The following MYO1D variants were observed in gnomAD, a reference collection of about 807,000 sequenced individuals.
MYO1D encodes the protein myosin ID, also known as unconventional myosin-Id.
Under a neutral mutation model 122.0 loss-of-function variants are expected in MYO1D, and 83 were observed. The observed-to-expected ratio is 0.68, with a 90% CI of 0.57 to 0.82. The LOEUF (loss-of-function observed/expected upper bound fraction) is 0.82, where lower values mean the gene tolerates loss of function less well. Ranked by LOEUF, MYO1D falls within the 40% of genes least tolerant of loss-of-function variation. The probability of loss-of-function intolerance (pLI) is 0.00; values close to 1 mark genes in which losing one functional copy is unlikely to be tolerated. For synonymous variants in MYO1D, 464 were observed against 446.9 expected (o/e 1.04, Z -0.48); for missense variants, 1,157 against 1,269.5 (o/e 0.91, Z 1.35).
intron 16 of MYO1D, among the ~76,000 whole-genome samples, chr17:32,701,060 A>T (rs955381424): frequency 9.2e-5 from 14 of 152,134 alleles, no homozygotes; most frequent in Non-Finnish European, 2.1e-4. Context: ...AAAAGATAAT[A>T]AGCATAAATG....
chr17:32,518,736 G>A (rs1909988281), intron 21 of MYO1D: 1 of 152,230 alleles, frequency 6.6e-6, no homozygotes, highest in Non-Finnish European at 1.5e-5. Flanking sequence ...GACAAAGAGG[G>A]TTCTGGGTTA....
intron 1 of MYO1D, among the ~76,000 whole-genome samples, chr17:32,800,479 T>C (rs2151042740): frequency 6.6e-6 from 1 of 152,076 alleles, no homozygotes; most frequent in South Asian, 2.1e-4. Context: ...CACACTTACA[T>C]GTGGAATCTA....
chr17:32,721,947 A>G (rs1433281438), intron 14 of MYO1D, among the ~76,000 whole-genome samples: 1 of 152,224 alleles, frequency 6.6e-6, no homozygotes, highest in Non-Finnish European at 1.5e-5. Flanking sequence ...AGTGTAAAGA[A>G]TTTCTTTTTC....
At chr17:32,737,908 C>T (rs556996343) in intron 14 of MYO1D, among the ~76,000 whole-genome samples, 38 of 152,312 alleles carry the variant, frequency 2.5e-4, no homozygotes, top group African/African-American at 8.4e-4. Flanking sequence ...CAAGACTTTA[C>T]TTATTTATTT....
rs558616632 is a variant in MYO1D at position 32,761,560 on chromosome 17, T to C, written c.1036-933A>G. Among the ~76,000 whole-genome samples the C allele has an allele frequency of 2.6e-5, 4 of 152,342 alleles. No individual in the cohort carries two copies. In the South Asian group the frequency reaches 8.3e-4, roughly 32 times the overall value. Reference sequence around the variant, plus strand: ...GGTAGAGTCTCCTCTTCTACCTGACTTGTAAAAGTTGGAGTTCTTCCTGGT... The same window carrying C: ...GGTAGAGTCTCCTCTTCTACCTGACCTGTAAAAGTTGGAGTTCTTCCTGGT... On this transcript the variant is annotated intron_variant, in intron 8 of 21. Transcript: ENST00000318217.
intron 17 of MYO1D, among the ~76,000 whole-genome samples, chr17:32,657,570 G>A (rs950985299): frequency 5.9e-5 from 9 of 152,258 alleles, no homozygotes; most frequent in African/African-American, 1.2e-4. Context: ...GTGCGCGTGC[G>A]AGTGTGCTTG....
intron 21 of MYO1D, among the ~76,000 whole-genome samples, chr17:32,596,745 T>C (rs925522848): frequency 1.3e-5 from 2 of 152,262 alleles, no homozygotes; most frequent in African/African-American, 4.8e-5. Context: ...GGAGTTATAC[T>C]GAGGTTTCCA....
At chr17:32,521,850 G>A (rs1431239225) in intron 21 of MYO1D, among the ~76,000 whole-genome samples, 1 of 152,022 alleles carries the variant, frequency 6.6e-6, no homozygotes, top group African/African-American at 2.4e-5. Flanking sequence ...TTGGGAGGCC[G>A]AGGTGGGGGA....
At chr17:32,748,303 A>G (rs149922718) in intron 12 of MYO1D, among the ~76,000 whole-genome samples, 3 of 152,302 alleles carry the variant, frequency 2.0e-5, no homozygotes, top group African/African-American at 7.2e-5. Context: ...CTTCATGTAC[A>G]GGAGTTATTC....
intron 11 of MYO1D, among the ~76,000 whole-genome samples, chr17:32,752,896 T>C (rs2089911363): frequency 6.6e-6 from 1 of 152,130 alleles, no homozygotes. Flanking sequence ...TAAATGGTAG[T>C]TCTAAAAATA....
Position 32,768,806 on chromosome 17 carries a change from CA to C in MYO1D, c.715-1055del, listed in dbSNP as rs563047370. ...AAAGCACCTCTCTAGCACCAGCATA[CA>C]AAAAAAAACCACTCAGCAGTATCAG... On this transcript the variant is annotated intron_variant, in intron 6 of 21. Transcript: ENST00000318217. 1.9e-3 allele frequency among the ~76,000 whole-genome samples: 282 copies of C among 150,644 alleles called. 2 individuals carry two copies. The highest frequency in any genetic ancestry group is 2.6e-3 in the Non-Finnish European group (176 of 67,638).
intron 14 of MYO1D, chr17:32,727,473 CAG>C (rs1389905492): frequency 3.9e-5 from 6 of 152,184 alleles, no homozygotes; most frequent in Non-Finnish European, 8.8e-5. Flanking sequence ...AATTTACTGA[CAG>C]GGATAATTCT....
At chr17:32,629,839 G>A (rs2087980546) in intron 20 of MYO1D, among the ~76,000 whole-genome samples, 2 of 152,190 alleles carry the variant, frequency 1.3e-5, no homozygotes, top group African/African-American at 4.8e-5. Context: ...AAAGGGAAAA[G>A]GAAGTGCATG....
At chr17:32,500,869 C>T (rs1909295252) in intron 21 of MYO1D, among the ~76,000 whole-genome samples, 1 of 152,004 alleles carries the variant, frequency 6.6e-6, no homozygotes, top group African/African-American at 2.4e-5. Context: ...ATTAGCCGGG[C>T]ATGGTGGTGG....
chr17:32,607,530 A>T (rs1367671640), intron 20 of MYO1D, among the ~76,000 whole-genome samples: 1 of 152,182 alleles, frequency 6.6e-6, no homozygotes, highest in African/African-American at 2.4e-5. Context: ...AAATAAATGA[A>T]GGAAAATAAT....
intron 21 of MYO1D, among the ~76,000 whole-genome samples, chr17:32,592,949 A>C (rs2087454843): frequency 6.6e-6 from 1 of 152,120 alleles, no homozygotes; most frequent in Non-Finnish European, 1.5e-5. Flanking sequence ...CTGGCCCCGT[A>C]CACTTCGTCC....
intron 21 of MYO1D, among the ~76,000 whole-genome samples, chr17:32,554,711 A>G (rs973293131): frequency 2.6e-5 from 4 of 152,220 alleles, no homozygotes; most frequent in Non-Finnish European, 5.9e-5. Context: ...AAAATTAGTA[A>G]CCAAATCATA....
At chr17:32,696,698 T>G (rs1197173477) in intron 16 of MYO1D, among the ~76,000 whole-genome samples, 5 of 152,218 alleles carry the variant, frequency 3.3e-5, no homozygotes, top group Non-Finnish European at 5.9e-5. Flanking sequence ...AGTTACCCAT[T>G]TGGCTGTTTG....
intron 16 of MYO1D, among the ~76,000 whole-genome samples, chr17:32,666,304 C>T (rs569223406): frequency 1.3e-5 from 2 of 152,338 alleles, no homozygotes; most frequent in Admixed American, 6.5e-5. Context: ...TCTGCAGGCA[C>T]TTGCCTGGGA....
Sources: gnomAD v4.1 joint callset for allele counts (sites outside exome capture counted in the v4.1 genomes callset) on GRCh38, gnomAD v4.1.1 for gene constraint, MANE v1.5 for transcripts, NCBI Gene and HGNC (gene_info 2026-07-23, HGNC 2026-07-21) for gene names.